SPINK5: variants seen among roughly 807,000 people sequenced by gnomAD.
SPINK5 encodes serine protease inhibitor Kazal-type 5.
Under a neutral mutation model 151.8 loss-of-function variants are expected in SPINK5, and 125 were observed. That is an observed-to-expected ratio of 0.82 (90% confidence interval 0.71 to 0.96). The LOEUF (loss-of-function observed/expected upper bound fraction) is 0.96, where lower values mean the gene tolerates loss of function less well. SPINK5 is among the 40% of genes least tolerant of loss of function. SPINK5 has a pLI of 0.00. For synonymous variants in SPINK5, 374 were observed against 395.3 expected (o/e 0.95, Z 0.64); for missense variants, 1,194 against 1,291.9 (o/e 0.92, Z 1.16).
chr5:148,078,205 T>C (rs1752933569), intron 4 of SPINK5, among the ~76,000 whole-genome samples: 1 of 151,212 alleles, frequency 6.6e-6, no homozygotes, highest in African/African-American at 2.4e-5. Context: ...AGGGATATTT[T>C]GTAACTTTAA....
At position 148,112,910 on chromosome 5, in the gene SPINK5, A is replaced by C. The variant is rs1324683341; in HGVS notation, c.1863A>C (p.Ala621=). 2 of 1,613,830 alleles carry C rather than the reference A, an allele frequency of 1.2e-6. No individual in the cohort carries two copies. The highest frequency in any genetic ancestry group is 1.7e-6 in the Non-Finnish European group (2 of 1,179,908). The change falls in exon 20 of 33, where the codon GCA becomes GCC. Residue 621 remains alanine, a synonymous_variant. Coordinates refer to ENST00000256084, the MANE Select transcript of SPINK5 (RefSeq NM_006846.4). Reference sequence around the variant, plus strand: ...AAAAAGAAAGAGCTGAACCCAGAGCAAAAGTCAAAAGAGAAGCTGAAAAGG... The same window carrying C: ...AAAAAGAAAGAGCTGAACCCAGAGCCAAAGTCAAAAGAGAAGCTGAAAAGG... ...AKEKERAEPR[A]KVKREAEKET...
rs2127180984 is a variant in SPINK5, at chr5:148,064,081, G to T, written c.37G>T (p.Ala13Ser). 6.2e-7 allele frequency: 1 copy of T among 1,614,096 alleles called. No individual in the cohort carries two copies. Among genetic ancestry groups the T allele is most frequent in the East Asian group, 2.2e-5 (1 of 44,868 alleles). The change falls in exon 1 of 33, where the codon GCT (alanine) becomes TCT (serine). Residue 13 changes from alanine to serine, a missense_variant. By Grantham distance (99) the Ala-to-Ser change is moderately conservative. Coordinates refer to ENST00000256084, the MANE Select transcript of SPINK5 (RefSeq NM_006846.4). ...IATVSVLLPLALCLIQDAASK... is the reference protein window; with the variant it reads ...IATVSVLLPLSLCLIQDAASK... ...CACAGTGTCAGTGCTTCTGCCCTTG[G>T]CTCTTTGCCTCATACAAGGTGAGCA... is the stretch of plus-strand genomic sequence containing the variant.
chr5:148,070,097 CAATAAT>C (rs1468099219), intron 2 of SPINK5, among the ~76,000 whole-genome samples: 1 of 151,678 alleles, frequency 6.6e-6, no homozygotes, highest in African/African-American at 2.4e-5. Context: ...AACATCAAAA[CAATAAT>C]AATAAAAAAG....
chr5:148,107,643 T>G (rs937900480), intron 17 of SPINK5, among the ~76,000 whole-genome samples: 4 of 152,206 alleles, frequency 2.6e-5, no homozygotes, highest in African/African-American at 9.6e-5. Context: ...TCAAGGACAT[T>G]ACTATATAAT....
chr5:148,101,990 A>G lies in SPINK5; in HGVS notation c.1430+82A>G, dbSNP rs557341661. ...GGAAGTTTTCAAACCATTGTGAATA[A>G]TGCATTTTCTTCTTCAGTGTAGCAT... On this transcript the variant is annotated intron_variant, in intron 15 of 32. Coordinates refer to ENST00000256084, the MANE Select transcript of SPINK5 (RefSeq NM_006846.4). 5.5e-5 allele frequency: 87 copies of G among 1,594,562 alleles called. No individual in the cohort carries two copies. The East Asian group carries it at 1.9e-3, about 36-fold the overall frequency.
Position 148,099,080 on chromosome 5 carries a change from G to C in SPINK5, c.1011-154G>C, listed in dbSNP as rs571943330. ...GAAATCATAGCACCATACTATCCTGGAGGATATTTTGTTGCTTCTCATTGA... is the reference window on the plus strand; with the variant it reads ...GAAATCATAGCACCATACTATCCTGCAGGATATTTTGTTGCTTCTCATTGA... On this transcript the variant is annotated intron_variant, in intron 11 of 32. Coordinates refer to ENST00000256084, the MANE Select transcript of SPINK5 (RefSeq NM_006846.4). Among the ~76,000 whole-genome samples the C allele has an allele frequency of 3.1e-4, 43 of 136,992 alleles. 1 individual carries two copies. Among genetic ancestry groups the C allele is most frequent in the African/African-American group, 1.2e-3 (35 of 30,210 alleles). 89.9% of individuals were successfully genotyped at this position (136,992 alleles called of 152,430 possible). A position where few individuals can be genotyped will look rare whatever the true frequency, so the allele number is the denominator to read the frequency against.
chr5:148,135,129 G>T (rs1754665216), intron 32 of SPINK5, among the ~76,000 whole-genome samples: 1 of 152,050 alleles, frequency 6.6e-6, no homozygotes, highest in African/African-American at 2.4e-5. Context: ...CCTCTACTCT[G>T]GTTCTTTACC....
chr5:148,132,336 C>A (rs1395921526), intron 31 of SPINK5, among the ~76,000 whole-genome samples: 1 of 151,936 alleles, frequency 6.6e-6, no homozygotes, highest in African/African-American at 2.4e-5. Flanking sequence ...TAAGCAAGGC[C>A]CAGAACATGA....
intron 20 of SPINK5, among the ~76,000 whole-genome samples, chr5:148,114,002 T>G (rs1754015021): frequency 1.3e-5 from 2 of 152,210 alleles, no homozygotes; most frequent in South Asian, 4.1e-4. Flanking sequence ...AAATACAAAA[T>G]CAATTGTAAT....
At chr5:148,121,224 T>C (rs1040366883) in intron 26 of SPINK5, among the ~76,000 whole-genome samples, 4 of 151,678 alleles carry the variant, frequency 2.6e-5, no homozygotes, top group Non-Finnish European at 5.9e-5. Context: ...GATCTGGCAT[T>C]TCATTGCCAC....
chr5:148,111,451 G>A (rs1753924137), intron 18 of SPINK5, among the ~76,000 whole-genome samples: 1 of 152,108 alleles, frequency 6.6e-6, no homozygotes, highest in Admixed American at 6.6e-5. Flanking sequence ...GACGTATTTG[G>A]TGGAACGGTA....
chr5:148,118,954 A>C (rs748250566), intron 23 of SPINK5, 32 bp from the exon 24 acceptor site: 15 of 1,606,070 alleles, frequency 9.3e-6, no homozygotes, highest in Non-Finnish European at 1.2e-5. Flanking sequence ...ATATTTGTTA[A>C]CAAGATGAAT....
intron 4 of SPINK5, among the ~76,000 whole-genome samples, chr5:148,075,616 C>T (rs531283054): frequency 6.6e-6 from 1 of 151,824 alleles, no homozygotes; most frequent in Admixed American, 6.6e-5. Flanking sequence ...AGATCCTCTC[C>T]TCAGAAAGCA....
intron 2 of SPINK5, among the ~76,000 whole-genome samples, chr5:148,066,674 TG>T (rs1752595145): frequency 6.6e-6 from 1 of 152,104 alleles, no homozygotes; most frequent in Non-Finnish European, 1.5e-5. Context: ...CATGCTCACT[TG>T]GAAGTTTTAT....
intron 4 of SPINK5, 111 bp downstream of exon 4, chr5:148,072,331 C>G: frequency 3.5e-6 from 4 of 1,137,784 alleles, no homozygotes; most frequent in Non-Finnish European, 5.2e-6. Flanking sequence ...AAGCCAACAA[C>G]TTAGGAGGGA....
intron 15 of SPINK5, among the ~76,000 whole-genome samples, chr5:148,104,009 C>G (rs1753715573): frequency 6.6e-6 from 1 of 152,134 alleles, no homozygotes; most frequent in Non-Finnish European, 1.5e-5. Context: ...ACTTCATTTC[C>G]ATCATATGCC....
intron 4 of SPINK5, among the ~76,000 whole-genome samples, chr5:148,079,991 A>G (rs1752978137): frequency 6.6e-6 from 1 of 151,032 alleles, no homozygotes; most frequent in South Asian, 2.1e-4. Context: ...AAAACATGAT[A>G]CCATATATGA....
In SPINK5 at chr5:148,111,754, G is replaced by A. The variant is rs1481248561; in HGVS notation, c.1693-14G>A. On this transcript the variant is annotated splice_polypyrimidine_tract_variant and intron_variant, in intron 18 of 32. Coordinates refer to ENST00000256084, the MANE Select transcript of SPINK5 (RefSeq NM_006846.4). ...TATTGGACTCTTAAAACCTGCTTCT[G>A]CTTCATTTGGCAGGAGCTGTGCAGT... 5.6e-6 allele frequency: 9 copies of A among 1,613,772 alleles called. No homozygotes were observed. Among genetic ancestry groups the A allele is most frequent in the African/African-American group, 1.3e-5 (1 of 74,900 alleles).
intron 32 of SPINK5, among the ~76,000 whole-genome samples, chr5:148,136,180 T>G (rs983388018): frequency 6.6e-6 from 1 of 152,140 alleles, no homozygotes; most frequent in African/African-American, 2.4e-5. Context: ...ATTATCTCAA[T>G]TAAAAGATGA....
Sources: allele counts gnomAD v4.1 joint callset (sites outside exome capture counted in the v4.1 genomes callset), GRCh38; gene constraint gnomAD v4.1.1; transcripts MANE v1.5; gene names NCBI Gene and HGNC (gene_info 2026-07-23, HGNC 2026-07-21).